TDRD3: variants seen among roughly 807,000 people sequenced by gnomAD.
TDRD3 encodes the protein tudor domain containing 3, also known as tudor domain-containing protein 3.
In TDRD3, 45 loss-of-function variants were observed where a neutral mutation model predicts 86.7. That is an observed-to-expected ratio of 0.52 (90% confidence interval 0.41 to 0.67). TDRD3 has a LOEUF of 0.67. Among genes scored for constraint, TDRD3 ranks in the 30% least tolerant of loss-of-function variants. TDRD3 has a pLI of 0.00. For synonymous variants in TDRD3, 298 were observed against 301.7 expected, an observed-to-expected ratio of 0.99 and a Z score of 0.13; for missense variants, 814 against 889.0, an observed-to-expected ratio of 0.92 and a Z score of 1.07.
intron 1 of TDRD3, among the ~76,000 whole-genome samples, chr13:60,423,562 C>G (rs1954717990): frequency 6.6e-6 from 1 of 152,112 alleles, no homozygotes; most frequent in Admixed American, 6.5e-5. Context: ...TTAATAACTT[C>G]CATAAAGTAG....
intron 1 of TDRD3, among the ~76,000 whole-genome samples, chr13:60,429,842 C>CTCTT (rs10644993): frequency 1 from 152,116 of 152,162 alleles, 76,035 homozygotes; most frequent in Middle Eastern, 1. Context: ...AAATTGTATT[C>CTCTT]TCTTTCTCAT....
At chr13:60,497,006 T>C (rs771958620) in intron 8 of TDRD3, among the ~76,000 whole-genome samples, 30 of 152,172 alleles carry the variant, frequency 2.0e-4, no homozygotes, top group Non-Finnish European at 4.3e-4. Flanking sequence ...CAGCAACTAG[T>C]GTTCAGCTCA....
chr13:60,433,376 C>T (rs1955001930), intron 1 of TDRD3, among the ~76,000 whole-genome samples: 1 of 152,162 alleles, frequency 6.6e-6, no homozygotes, highest in Non-Finnish European at 1.5e-5. Flanking sequence ...ATATTTATGT[C>T]AATGACCAGA....
intron 12 of TDRD3, among the ~76,000 whole-genome samples, chr13:60,562,385 A>G (rs1333870169): frequency 6.6e-6 from 1 of 151,896 alleles, no homozygotes; most frequent in Non-Finnish European, 1.5e-5. Flanking sequence ...CTACTCTAAT[A>G]TAGAAGAATA....
At chr13:60,487,201 A>G (rs1956459239) in intron 7 of TDRD3, among the ~76,000 whole-genome samples, 1 of 152,202 alleles carries the variant, frequency 6.6e-6, no homozygotes, top group Non-Finnish European at 1.5e-5. Flanking sequence ...AGATGATTTA[A>G]ATATACAAGA....
At chr13:60,567,422 C>T (rs1566312402) in intron 12 of TDRD3, 103 bp from the exon 13 acceptor site, 1 of 1,443,814 alleles carries the variant, frequency 6.9e-7, no homozygotes, top group South Asian at 1.2e-5. Context: ...AATTCCAGGG[C>T]AGCTTAAGAG....
At chr13:60,417,049 T>C (rs934946938) in intron 1 of TDRD3, among the ~76,000 whole-genome samples, 3 of 151,350 alleles carry the variant, frequency 2.0e-5, no homozygotes, top group African/African-American at 4.9e-5. Context: ...CCAGGTCTTA[T>C]TCTGCTGCCC....
intron 6 of TDRD3, 135 bp from the exon 7 acceptor site, chr13:60,485,664 G>T (rs1269590628): frequency 3.1e-6 from 2 of 650,698 alleles, no homozygotes; most frequent in Non-Finnish European, 2.2e-6. Flanking sequence ...AAATATATGG[G>T]ATAGAATTTT....
chr13:60,421,003 TTGAC>T (rs879763370), intron 1 of TDRD3, among the ~76,000 whole-genome samples: 58 of 152,302 alleles, frequency 3.8e-4, no homozygotes, highest in African/African-American at 1.3e-3. Flanking sequence ...ATTATTCTAT[TTGAC>T]TGTCCTCATG....
chr13:60,406,127 T>C (rs9528131), intron 1 of TDRD3, among the ~76,000 whole-genome samples: 29,604 of 152,120 alleles, frequency 0.19, 3,573 homozygotes, highest in South Asian at 0.29. Context: ...TAAAATAAGA[T>C]GTTAGGCATT....
At chr13:60,563,840 A>G (rs1404660167) in intron 12 of TDRD3, among the ~76,000 whole-genome samples, 1 of 152,210 alleles carries the variant, frequency 6.6e-6, no homozygotes, top group Non-Finnish European at 1.5e-5. Context: ...AATGGGGAAT[A>G]TGTAGTTTTG....
intron 3 of TDRD3, among the ~76,000 whole-genome samples, chr13:60,454,217 GT>G (rs1955612657): frequency 6.6e-6 from 1 of 152,112 alleles, no homozygotes; most frequent in Admixed American, 6.6e-5. Flanking sequence ...TTTGAAATTT[GT>G]AGAGTCTTTA....
chr13:60,490,727 T>A (rs79330489), intron 7 of TDRD3, among the ~76,000 whole-genome samples: 21,729 of 151,978 alleles, frequency 0.14, 1,678 homozygotes, highest in African/African-American at 0.19. Flanking sequence ...AACATAGCAG[T>A]TGTGTAGGTA....
At chr13:60,399,612 C>T (rs553528913) in intron 1 of TDRD3, among the ~76,000 whole-genome samples, 3 of 152,186 alleles carry the variant, frequency 2.0e-5, no homozygotes, top group Admixed American at 6.5e-5. Context: ...GAAGGGCTTT[C>T]ACCAACTCAT....
intron 8 of TDRD3, among the ~76,000 whole-genome samples, chr13:60,497,366 T>C (rs1334432033): frequency 6.6e-6 from 1 of 152,164 alleles, no homozygotes; most frequent in African/African-American, 2.4e-5. Flanking sequence ...CCCTGTGCTC[T>C]CAGGTGATAG....
At chr13:60,470,507 C>T (rs970300223) in intron 5 of TDRD3, among the ~76,000 whole-genome samples, 1 of 151,766 alleles carries the variant, frequency 6.6e-6, no homozygotes, top group Non-Finnish European at 1.5e-5. Context: ...CAGTTTTTTA[C>T]ATCCTCACCA....
At chr13:60,486,249 T>G (rs1211429135) in intron 7 of TDRD3, among the ~76,000 whole-genome samples, 1 of 152,144 alleles carries the variant, frequency 6.6e-6, no homozygotes, top group African/African-American at 2.4e-5. Context: ...CTTTTTATTC[T>G]GGCAGGGAGT....
chr13:60,564,498 TTGCAGATCTTGTA>T (rs1285594552), intron 12 of TDRD3, among the ~76,000 whole-genome samples: 1 of 152,178 alleles, frequency 6.6e-6, no homozygotes, highest in East Asian at 1.9e-4. Flanking sequence ...ATGAAAATTA[TTGCAGATCTTGTA>T]AAGAATCTTG....
At chr13:60,409,921 A>G (rs969490397) in intron 1 of TDRD3, among the ~76,000 whole-genome samples, 16 of 152,078 alleles carry the variant, frequency 1.1e-4, no homozygotes, top group African/African-American at 3.6e-4. Flanking sequence ...CAAAACCTCT[A>G]CTTGAATTGT....
Sources: gnomAD v4.1 joint callset for allele counts (sites outside exome capture counted in the v4.1 genomes callset) on GRCh38, gnomAD v4.1.1 for gene constraint, MANE v1.5 for transcripts, NCBI Gene and HGNC (gene_info 2026-07-23, HGNC 2026-07-21) for gene names.